The following KLRG1 variants were observed in gnomAD, a reference collection of about 807,000 sequenced individuals.
The protein encoded by KLRG1 is killer cell lectin-like receptor subfamily G member 1.
Under a neutral mutation model 21.8 loss-of-function variants are expected in KLRG1, and 16 were observed. That is an observed-to-expected ratio of 0.73 (90% CI 0.50 to 1.11). KLRG1 has a LOEUF of 1.11. Among genes scored for constraint, KLRG1 ranks in the 50% most tolerant of loss-of-function variants. The pLI is 0.00. For synonymous variants in KLRG1, 69 were observed against 75.9 expected, an observed-to-expected ratio of 0.91 and a Z score of 0.47; for missense variants, 173 against 218.3, an observed-to-expected ratio of 0.79 and a Z score of 1.31.
At chr12:9,060,531 C>T in the KLRG1 span, among the ~76,000 whole-genome samples, 4 of 152,142 alleles carry the variant, frequency 2.6e-5, no homozygotes, top group Non-Finnish European at 5.9e-5. Context: ...CCTAGGGAGG[C>T]TGAGGCAGAA....
At chr12:9,072,739 G>C in the KLRG1 span, 1 of 1,614,136 alleles carries the variant, frequency 6.2e-7, no homozygotes, top group Non-Finnish European at 8.5e-7. Context: ...AGTAACAGGC[G>C]GTTGTTGTTG....
chr12:9,113,692 ATGCATAAG>A, the KLRG1 span: 3 of 722,044 alleles, frequency 4.2e-6, no homozygotes, highest in Non-Finnish European at 6.7e-6. Context: ...GTTGAAGGCC[ATGCATAAG>A]AATTATTTCC....
At chr12:9,022,513 C>A in the KLRG1 span, among the ~76,000 whole-genome samples, 28 of 152,026 alleles carry the variant, frequency 1.8e-4, no homozygotes, top group South Asian at 4.1e-4. Context: ...TTGGGATCTC[C>A]GGAGTGGTAA....
the KLRG1 span, chr12:9,109,455 G>A: frequency 7.0e-7 from 1 of 1,436,072 alleles, no homozygotes; most frequent in Non-Finnish European, 9.8e-7. Flanking sequence ...AACTTTGGGG[G>A]AATTCCTATT....
At chr12:9,147,850 T>G in the KLRG1 span, among the ~76,000 whole-genome samples, 2 of 152,226 alleles carry the variant, frequency 1.3e-5, no homozygotes, top group African/African-American at 4.8e-5. Flanking sequence ...GTTGCCTTTA[T>G]GTATGAATTT....
At chr12:9,152,181 A>T in the KLRG1 span, 1 of 1,384,454 alleles carries the variant, frequency 7.2e-7, no homozygotes, top group Non-Finnish European at 1.0e-6. Context: ...TACAGAACAT[A>T]CTTTTGTATG....
the KLRG1 span, chr12:9,077,246 C>T: frequency 7.0e-6 from 8 of 1,149,604 alleles, no homozygotes; most frequent in Non-Finnish European, 8.7e-6. Flanking sequence ...AGAAAGAAAG[C>T]TGATGCTTTG....
At chr12:9,213,959 A>C in the KLRG1 span, among the ~76,000 whole-genome samples, 1 of 152,006 alleles carries the variant, frequency 6.6e-6, no homozygotes, top group Non-Finnish European at 1.5e-5. Context: ...TTATTATTTT[A>C]GCTCTTACAT....
At chr12:9,206,361 A>G in the KLRG1 span, among the ~76,000 whole-genome samples, 1 of 152,136 alleles carries the variant, frequency 6.6e-6, no homozygotes. Flanking sequence ...GAACTATTTT[A>G]TATGAGTTCA....
chr12:9,131,453 C>T, the KLRG1 span, among the ~76,000 whole-genome samples: 1 of 151,710 alleles, frequency 6.6e-6, no homozygotes, highest in Non-Finnish European at 1.5e-5. Flanking sequence ...ATAATCAATC[C>T]CATAGTGATA....
chr12:8,975,184 G>A (rs1311948508), intron 1 of KLRG1, among the ~76,000 whole-genome samples: 1 of 152,048 alleles, frequency 6.6e-6, no homozygotes, highest in Non-Finnish European at 1.5e-5. Context: ...ACAGGTATGA[G>A]CCACCACACC....
At chr12:8,979,455 T>C (rs1946718950) in intron 1 of KLRG1, among the ~76,000 whole-genome samples, 1 of 152,230 alleles carries the variant, frequency 6.6e-6, no homozygotes, top group South Asian at 2.1e-4. Flanking sequence ...GATAGTCTTA[T>C]ATGTGATGAG....
the KLRG1 span, chr12:9,164,306 C>A: frequency 3.2e-4 from 501 of 1,582,284 alleles, no homozygotes; most frequent in Non-Finnish European, 4.1e-4. Flanking sequence ...GAATATGGAA[C>A]GACACGAACA....
chr12:9,111,939 G>C, the KLRG1 span: 3 of 703,016 alleles, frequency 4.3e-6, no homozygotes, highest in Non-Finnish European at 8.0e-6. Flanking sequence ...AAATTTAATT[G>C]TGTGACAACT....
chr12:8,953,382 A>G (rs1207052164), intron 1 of KLRG1, among the ~76,000 whole-genome samples: 1 of 152,188 alleles, frequency 6.6e-6, no homozygotes, highest in Non-Finnish European at 1.5e-5. Flanking sequence ...TGAAGACACC[A>G]CTCAAAGGTG....
chr12:9,137,111 G>A, the KLRG1 span, among the ~76,000 whole-genome samples: 6 of 152,144 alleles, frequency 3.9e-5, no homozygotes, highest in Non-Finnish European at 7.4e-5. Context: ...CCAAGACCAA[G>A]ATCATAAAGC....
At chr12:9,104,473 T>A in the KLRG1 span, 5 of 1,451,574 alleles carry the variant, frequency 3.4e-6, no homozygotes, top group Non-Finnish European at 4.7e-6. Context: ...ATTTATCACA[T>A]TTTTTAGTGC....
the KLRG1 span, among the ~76,000 whole-genome samples, chr12:9,138,454 G>A: frequency 1.3e-5 from 2 of 149,522 alleles, no homozygotes; most frequent in Admixed American, 6.6e-5. Flanking sequence ...CAGAGATATT[G>A]GCCTGTCATT....
At chr12:9,205,619 A>ATGATTCAG in the KLRG1 span, among the ~76,000 whole-genome samples, 5 of 152,210 alleles carry the variant, frequency 3.3e-5, no homozygotes, top group Non-Finnish European at 5.9e-5. Flanking sequence ...CAAAGCTTTA[A>ATGATTCAG]TGATTCAGTG....
Sources: gnomAD v4.1 joint callset for allele counts (sites outside exome capture counted in the v4.1 genomes callset) on GRCh38, gnomAD v4.1.1 for gene constraint, MANE v1.5 for transcripts, NCBI Gene and HGNC (gene_info 2026-07-23, HGNC 2026-07-21) for gene names.